Variants in PEBP4 observed in about 807,000 individuals in gnomAD.
PEBP4 encodes the protein phosphatidylethanolamine binding protein 4, also known as phosphatidylethanolamine-binding protein 4.
A neutral mutation model predicts 23.9 loss-of-function variants in PEBP4; 22 were observed. That is an observed-to-expected ratio of 0.92 (90% confidence interval 0.66 to 1.31). The LOEUF (loss-of-function observed/expected upper bound fraction) is 1.31. Ranked by LOEUF, PEBP4 falls within the 40% of genes most tolerant of loss-of-function variation. The probability of loss-of-function intolerance (pLI) is 0.00; values close to 1 mark genes in which losing one functional copy is unlikely to be tolerated. For missense variants in PEBP4, 324 were observed against 281.7 expected (o/e 1.15, Z -1.07); for synonymous variants, 112 against 99.3 (o/e 1.13, Z -0.76).
chr8:22,915,160 T>C (rs1809047346), intron 3 of PEBP4, among the ~76,000 whole-genome samples: 1 of 152,116 alleles, frequency 6.6e-6, no homozygotes, highest in South Asian at 2.1e-4. Flanking sequence ...ATCACCTAGG[T>C]TGCAGGGTGG....
chr8:22,791,596 T>A (rs1211458602), intron 4 of PEBP4, among the ~76,000 whole-genome samples: 1 of 152,206 alleles, frequency 6.6e-6, no homozygotes, highest in African/African-American at 2.4e-5. Flanking sequence ...ACATTCATTT[T>A]AGGGTCCTCT....
chr8:22,791,500 C>T (rs1406093951), intron 4 of PEBP4, among the ~76,000 whole-genome samples: 33 of 152,158 alleles, frequency 2.2e-4, no homozygotes, highest in Non-Finnish European at 2.1e-4. Context: ...GATCGACTAC[C>T]GAGAAAGCTG....
At chr8:22,786,755 T>G (rs1207670983) in intron 4 of PEBP4, among the ~76,000 whole-genome samples, 1 of 151,962 alleles carries the variant, frequency 6.6e-6, no homozygotes, top group Non-Finnish European at 1.5e-5. Flanking sequence ...CAAAGCTCCA[T>G]GCCAGGGAGT....
chr8:22,917,802 G>C (rs759688566), intron 3 of PEBP4, among the ~76,000 whole-genome samples: 4 of 152,230 alleles, frequency 2.6e-5, no homozygotes, highest in Non-Finnish European at 5.9e-5. Flanking sequence ...GACCAATCCT[G>C]TGACTTTTAA....
intron 4 of PEBP4, among the ~76,000 whole-genome samples, chr8:22,799,953 C>A (rs1806348220): frequency 6.6e-6 from 1 of 152,172 alleles, no homozygotes; most frequent in African/African-American, 2.4e-5. Context: ...TGGAACCAAC[C>A]CAAATGTCCA....
Position 22,880,529 on chromosome 8 carries a change from T to G in PEBP4, c.258+39655A>C, listed in dbSNP as rs918478564. 5 of 151,236 alleles carry G rather than the reference T, an allele frequency of 3.3e-5. No homozygotes were observed. The East Asian group carries it at 9.7e-4, about 29-fold the overall frequency. 9.4% of individuals were successfully genotyped at this position (151,236 alleles called of 1,614,324 possible). ...CTTTCAGGGCAGCTGTTGGTGTACG[T>G]GTTTTGTTTCTGATGCTGAGACCCT... On this transcript the variant is annotated intron_variant, in intron 3 of 6. Coordinates refer to ENST00000256404, the MANE Select transcript of PEBP4 (RefSeq NM_144962.3).
chr8:22,777,157 G>T (rs1040231422), intron 4 of PEBP4, among the ~76,000 whole-genome samples: 3 of 151,984 alleles, frequency 2.0e-5, no homozygotes, highest in Non-Finnish European at 4.4e-5. Flanking sequence ...GAGGGAGGGA[G>T]GGTGCTGGCC....
At chr8:22,729,546 G>A (rs935001136) in intron 4 of PEBP4, among the ~76,000 whole-genome samples, 1 of 152,238 alleles carries the variant, frequency 6.6e-6, no homozygotes, top group African/African-American at 2.4e-5. Flanking sequence ...GGGGTGGGAA[G>A]TCTCCCTTTC....
At chr8:22,770,409 G>A (rs1414900359) in intron 4 of PEBP4, among the ~76,000 whole-genome samples, 1 of 152,222 alleles carries the variant, frequency 6.6e-6, no homozygotes, top group Non-Finnish European at 1.5e-5. Flanking sequence ...CTCAAATGCT[G>A]TGTGTTCGAT....
chr8:22,838,224 A>C (rs1450651847), intron 3 of PEBP4, among the ~76,000 whole-genome samples: 2 of 152,152 alleles, frequency 1.3e-5, no homozygotes, highest in Non-Finnish European at 2.9e-5. Context: ...TCCTGACAGA[A>C]GAACTATTAT....
At chr8:22,738,182 G>T (rs1804911430) in intron 4 of PEBP4, among the ~76,000 whole-genome samples, 2 of 152,214 alleles carry the variant, frequency 1.3e-5, no homozygotes, top group South Asian at 4.1e-4. Flanking sequence ...TTGATGAGGG[G>T]CATTAATAGC....
chr8:22,933,243 G>A (rs894247071), intron 1 of PEBP4, among the ~76,000 whole-genome samples: 1 of 152,168 alleles, frequency 6.6e-6, no homozygotes, highest in East Asian at 1.9e-4. Context: ...CCAGCAGACC[G>A]ACTACAGACC....
Position 22,865,888 on chromosome 8 carries a change from G to A in PEBP4, c.259-48153C>T, listed in dbSNP as rs776495481. On this transcript the variant is annotated intron_variant, in intron 3 of 6. Coordinates refer to ENST00000256404, the MANE Select transcript of PEBP4 (RefSeq NM_144962.3). The surrounding 1 kb of genome is among the most constrained non-coding windows in gnomAD (Gnocchi z 6.9). ...CCACCCCGGCTGTCCCAGCTCGGGCGCCCCAAACCCACAGCTCCCACTCAG... is the reference window on the plus strand; with the variant it reads ...CCACCCCGGCTGTCCCAGCTCGGGCACCCCAAACCCACAGCTCCCACTCAG... 2.6e-5 allele frequency among the ~76,000 whole-genome samples: 4 copies of A among 152,080 alleles called. No individual in the cohort carries two copies. The highest frequency in any genetic ancestry group is 5.9e-5 in the Non-Finnish European group (4 of 67,998).
At chr8:22,928,199 C>T (rs1019667607), upstream of PEBP4, among the ~76,000 whole-genome samples, 4 of 152,352 alleles carry the variant, frequency 2.6e-5, no homozygotes, top group South Asian at 2.1e-4. Context: ...CCCCTCAGAC[C>T]GGCTCTGACT....
chr8:22,731,629 TTATTTATTTATTTATCTATC>T, intron 4 of PEBP4, among the ~76,000 whole-genome samples: 1 of 142,806 alleles, frequency 7.0e-6, no homozygotes, highest in African/African-American at 2.9e-5. Flanking sequence ...ATTTATTTAT[TTATTTATTTATTTATCTATC>T]TATCTATTTA....
intron 3 of PEBP4, among the ~76,000 whole-genome samples, chr8:22,863,678 G>C (rs999396991): frequency 6.6e-6 from 1 of 152,162 alleles, no homozygotes; most frequent in Non-Finnish European, 1.5e-5. Context: ...GGCGCTGTGT[G>C]CGTCGTTGCT....
intron 4 of PEBP4, among the ~76,000 whole-genome samples, chr8:22,732,388 A>G (rs1804756538): frequency 6.6e-6 from 1 of 151,968 alleles, no homozygotes; most frequent in Non-Finnish European, 1.5e-5. Flanking sequence ...GGAACAACAC[A>G]CACAACTGGA....
chr8:22,800,038 G>C (rs978989407), intron 4 of PEBP4, among the ~76,000 whole-genome samples: 1 of 152,222 alleles, frequency 6.6e-6, no homozygotes, highest in Non-Finnish European at 1.5e-5. Flanking sequence ...AAAAGGATGA[G>C]TTAATATCCT....
intron 3 of PEBP4, among the ~76,000 whole-genome samples, chr8:22,866,077 A>T (rs1270180175): frequency 6.6e-6 from 1 of 152,162 alleles, no homozygotes; most frequent in Non-Finnish European, 1.5e-5. Context: ...GCCCCAAGAA[A>T]TCAGGAAATA....
Sources: gnomAD v4.1 joint callset for allele counts (sites outside exome capture counted in the v4.1 genomes callset) on GRCh38, gnomAD v4.1.1 for gene constraint, Gnocchi (gnomAD v3.1) non-coding constraint, MANE v1.5 for transcripts, NCBI Gene and HGNC (gene_info 2026-07-23, HGNC 2026-07-21) for gene names.